STK33: variants seen among roughly 807,000 people sequenced by gnomAD.
STK33 encodes serine/threonine-protein kinase 33.
In STK33, 52 loss-of-function variants were observed where a neutral mutation model predicts 58.0. The observed-to-expected ratio is 0.90, with a 90% CI of 0.72 to 1.13. The LOEUF is 1.13. Ranked by LOEUF, STK33 falls within the 50% of genes most tolerant of loss-of-function variation. STK33 has a pLI of 0.00. For missense variants in STK33, 630 were observed against 604.2 expected (o/e 1.04, Z -0.45); for synonymous variants, 215 against 200.1 (o/e 1.07, Z -0.63).
chr11:8,559,523 C>T (rs1273299638), intron 1 of STK33, among the ~76,000 whole-genome samples: 2 of 152,180 alleles, frequency 1.3e-5, no homozygotes, highest in East Asian at 1.9e-4. Flanking sequence ...CAGTTTAGTA[C>T]GTCATGCAAA....
chr11:8,425,082 T>C (rs1477274123), intron 14 of STK33, among the ~76,000 whole-genome samples: 1 of 149,452 alleles, frequency 6.7e-6, no homozygotes, highest in African/African-American at 2.5e-5. Context: ...CTGAATGGTA[T>C]TGCCTAGGTT....
At chr11:8,539,885 C>T (rs1955369981) in intron 1 of STK33, among the ~76,000 whole-genome samples, 1 of 152,028 alleles carries the variant, frequency 6.6e-6, no homozygotes, top group Non-Finnish European at 1.5e-5. Flanking sequence ...GATGTATCAC[C>T]CTTCAGTGAG....
At position 8,585,688 on chromosome 11, in the gene STK33, T is replaced by C. The variant is rs1385938971; in HGVS notation, c.-466+8395A>G. Among the ~76,000 whole-genome samples the C allele has an allele frequency of 1.4e-4, 21 of 151,934 alleles. No individual in the cohort carries two copies. The East Asian group carries it at 1.8e-3, about 13-fold the overall frequency. On this transcript the variant is annotated intron_variant, in intron 1 of 15. Transcript: ENST00000687296. ...ACTTTGGGAGGCTGAGGCAGGCAGA[T>C]TGCTTGAGCCCAGGAGTTCAAGACC...
the STK33 span, among the ~76,000 whole-genome samples, chr11:8,350,545 G>A: frequency 6.8e-4 from 103 of 152,236 alleles, no homozygotes; most frequent in African/African-American, 2.3e-3. Flanking sequence ...CAGGGACTTT[G>A]GTCTCCCCCA....
In STK33 at chr11:8,475,040, C is replaced by A; in HGVS notation, c.-135G>T. 6.0e-6 allele frequency: 4 copies of A among 663,276 alleles called. No homozygotes were observed. Among genetic ancestry groups the A allele is most frequent in the South Asian group, 2.4e-5 (1 of 41,404 alleles). The allele number at this position is 663,276 out of a possible 1,614,324, so 41.1% of individuals were successfully genotyped here. Reference sequence around the variant, plus strand: ...TGGTGAAGTCCTCAGGTTAAGGATGCACTAGACACATATTCACACGTGAGA... The same window carrying A: ...TGGTGAAGTCCTCAGGTTAAGGATGAACTAGACACATATTCACACGTGAGA... On this transcript the variant is annotated 5_prime_UTR_variant, in exon 5 of 16. Coordinates refer to ENST00000687296, the MANE Select transcript of STK33 (RefSeq NM_001352389.2).
chr11:8,403,686 T>C (rs1400779392), intron 15 of STK33, among the ~76,000 whole-genome samples: 1 of 152,214 alleles, frequency 6.6e-6, no homozygotes, highest in African/African-American at 2.4e-5. Context: ...GTTTCACCTT[T>C]TTGTAATTCA....
intron 1 of STK33, among the ~76,000 whole-genome samples, chr11:8,538,204 C>A (rs1591688277): frequency 6.6e-6 from 1 of 151,620 alleles, no homozygotes; most frequent in African/African-American, 2.4e-5. Context: ...AAAAGAGTAA[C>A]AATAACAAAA....
chr11:8,436,837 A>G (rs1944126616), intron 12 of STK33, among the ~76,000 whole-genome samples: 2 of 152,124 alleles, frequency 1.3e-5, no homozygotes, highest in Admixed American at 1.3e-4. Context: ...AGCAGGGATT[A>G]CAGGCACGCA....
chr11:8,425,990 T>A (rs1029532884), intron 14 of STK33, among the ~76,000 whole-genome samples: 4 of 152,112 alleles, frequency 2.6e-5, no homozygotes, highest in Non-Finnish European at 5.9e-5. Context: ...TACAGGGTGT[T>A]CTTTTAGTTT....
intron 14 of STK33, among the ~76,000 whole-genome samples, chr11:8,422,222 T>C (rs186314058): frequency 2.0e-5 from 3 of 152,170 alleles, no homozygotes; most frequent in Non-Finnish European, 2.9e-5. Flanking sequence ...GAAATGATCA[T>C]ATGATTTTTT....
intron 1 of STK33, among the ~76,000 whole-genome samples, chr11:8,507,335 T>C (rs1951936894): frequency 6.6e-6 from 1 of 152,192 alleles, no homozygotes; most frequent in Admixed American, 6.5e-5. Flanking sequence ...TTAATCTATT[T>C]GTGTTTTAGT....
At chr11:8,446,293 G>A (rs1945453514) in intron 11 of STK33, among the ~76,000 whole-genome samples, 1 of 151,888 alleles carries the variant, frequency 6.6e-6, no homozygotes, top group African/African-American at 2.4e-5. Context: ...CTGGCTAGTA[G>A]TCTATATATT....
chr11:8,516,640 G>A (rs1167242579), intron 1 of STK33, among the ~76,000 whole-genome samples: 6 of 152,190 alleles, frequency 3.9e-5, no homozygotes, highest in African/African-American at 9.7e-5. Flanking sequence ...CCCTAATAGT[G>A]CACTTTTCCA....
At chr11:8,354,296 C>T in the STK33 span, among the ~76,000 whole-genome samples, 1 of 152,030 alleles carries the variant, frequency 6.6e-6, no homozygotes, top group African/African-American at 2.4e-5. Context: ...CCTCCGCTCT[C>T]ACCCTCATTT....
intron 2 of STK33, among the ~76,000 whole-genome samples, chr11:8,480,171 G>T (rs1004442699): frequency 3.9e-5 from 6 of 152,080 alleles, no homozygotes; most frequent in Non-Finnish European, 5.9e-5. Context: ...TAATATAAAG[G>T]GCTTCCTGAC....
Position 8,458,946 on chromosome 11 carries a change from GA to G in STK33, c.559-1468del, listed in dbSNP as rs1947201102. ...TCCTATAGCGCAATTCAGATTCACT[GA>G]ATCTCAGGCAGTTTTAGAATTTCAA... On this transcript the variant is annotated intron_variant, in intron 8 of 15. Transcript: ENST00000687296. Among the ~76,000 whole-genome samples, 3 of 152,276 alleles carry G rather than the reference GA, an allele frequency of 2.0e-5. No individual in the cohort carries two copies. In the South Asian group the frequency reaches 6.2e-4, roughly 32 times the overall value.
chr11:8,378,273 C>T, the STK33 span, among the ~76,000 whole-genome samples: 1 of 152,230 alleles, frequency 6.6e-6, no homozygotes, highest in African/African-American at 2.4e-5. Context: ...AATCCCAGCA[C>T]TTCGGGAGGC....
the STK33 span, among the ~76,000 whole-genome samples, chr11:8,337,314 C>T: frequency 6.6e-6 from 1 of 152,244 alleles, no homozygotes; most frequent in Non-Finnish European, 1.5e-5. Flanking sequence ...CTTTGTGCCA[C>T]ATAAATGGAC....
intron 7 of STK33, among the ~76,000 whole-genome samples, chr11:8,463,181 C>T (rs1037115644): frequency 1.3e-5 from 2 of 152,150 alleles, no homozygotes; most frequent in East Asian, 1.9e-4. Context: ...CAGCAGTCCC[C>T]GACCTTTTTG....
Sources: gnomAD v4.1 joint callset for allele counts (sites outside exome capture counted in the v4.1 genomes callset) on GRCh38, gnomAD v4.1.1 for gene constraint, MANE v1.5 for transcripts, NCBI Gene and HGNC (gene_info 2026-07-23, HGNC 2026-07-21) for gene names.